GSTCD: variants seen among roughly 807,000 people sequenced by gnomAD.
The protein encoded by GSTCD is glutathione S-transferase C-terminal domain-containing protein.
In GSTCD, 44 loss-of-function variants were observed where a neutral mutation model predicts 68.3. That is an observed-to-expected ratio of 0.64 (90% CI 0.51 to 0.83). The LOEUF is 0.83. Ranked by LOEUF, GSTCD falls within the 40% of genes least tolerant of loss-of-function variation. The probability of loss-of-function intolerance (pLI) is 0.00; values close to 1 mark genes in which losing one functional copy is unlikely to be tolerated. For missense variants in GSTCD, 739 were observed against 735.9 expected (o/e 1.00, Z -0.05); for synonymous variants, 273 against 255.2 (o/e 1.07, Z -0.67).
intron 5 of GSTCD, among the ~76,000 whole-genome samples, chr4:105,799,340 G>C (rs145449089): frequency 6.6e-6 from 1 of 152,098 alleles, no homozygotes; most frequent in African/African-American, 2.4e-5. Context: ...GAACATCTTT[G>C]CATTCATATC....
intron 5 of GSTCD, among the ~76,000 whole-genome samples, chr4:105,771,482 C>A (rs1033581589): frequency 6.6e-6 from 1 of 152,088 alleles, no homozygotes; most frequent in African/African-American, 2.4e-5. Context: ...AGGTTTTCTT[C>A]TAGAGTTTTT....
chr4:105,719,976 A>G (rs2032279173), intron 3 of GSTCD, among the ~76,000 whole-genome samples: 2 of 152,214 alleles, frequency 1.3e-5, no homozygotes, highest in South Asian at 4.2e-4. Flanking sequence ...TGTCAGCTAA[A>G]TTTTATAATG....
In GSTCD at chr4:105,834,311, C is replaced by A. The variant is rs536925498; in HGVS notation, c.1531-150C>A. 3 of 600,240 alleles carry A rather than the reference C, an allele frequency of 5.0e-6. No homozygotes were observed. The South Asian group carries it at 1.0e-4, about 21-fold the overall frequency. The allele number at this position is 600,240 out of a possible 1,614,324, so 37.2% of individuals were successfully genotyped here. On this transcript the variant is annotated intron_variant, in intron 8 of 11. Coordinates refer to ENST00000515279, the MANE Select transcript of GSTCD (RefSeq NM_001370181.1). ...TTTATTTGCAATATTCCATTTGCAA[C>A]CTTTCAAACTTGCTTAGTTTTCATA...
intron 5 of GSTCD, among the ~76,000 whole-genome samples, chr4:105,812,455 C>T: frequency 6.6e-6 from 1 of 152,102 alleles, no homozygotes; most frequent in East Asian, 1.9e-4. Flanking sequence ...TCCGCCTCTG[C>T]CTCCAAAGTG....
chr4:105,794,860 TATCTATCTATC>T (rs1735818308), intron 5 of GSTCD, among the ~76,000 whole-genome samples: 1 of 144,070 alleles, frequency 6.9e-6, no homozygotes, highest in African/African-American at 2.6e-5. Context: ...TCTATCTATC[TATCTATCTATC>T]TATCTATCTA....
intron 5 of GSTCD, among the ~76,000 whole-genome samples, chr4:105,749,404 T>C (rs1403443081): frequency 6.6e-6 from 1 of 151,774 alleles, no homozygotes; most frequent in East Asian, 1.9e-4. Flanking sequence ...AAAAAAAATT[T>C]GAAAAAGAGC....
At position 105,719,216 on chromosome 4, in the gene GSTCD, C is replaced by T. The variant is rs1469873999; in HGVS notation, c.583C>T (p.Leu195Phe). 1.2e-6 allele frequency: 2 copies of T among 1,614,048 alleles called. No individual in the cohort carries two copies. The highest frequency in any genetic ancestry group is 1.7e-6 in the Non-Finnish European group (2 of 1,179,988). ...EPVRVHNDDKLRRQKLKQQKA... is the reference protein window; with the variant it reads ...EPVRVHNDDKFRRQKLKQQKA... ...TGTTAGAGTGCATAATGATGATAAA[C>T]TCCGCAGGCAGAAGCTCAAGCAACA... Residue 195 changes from leucine (L) to phenylalanine (F), a missense_variant, in exon 3 of 12, where the codon CTC (leucine) becomes TTC (phenylalanine). By Grantham distance (22) the Leu-to-Phe change is conservative (BLOSUM62 0). Coordinates refer to ENST00000515279, the MANE Select transcript of GSTCD (RefSeq NM_001370181.1).
At chr4:105,815,823 A>T (rs1722955062) in intron 5 of GSTCD, among the ~76,000 whole-genome samples, 1 of 152,176 alleles carries the variant, frequency 6.6e-6, no homozygotes. Flanking sequence ...TGTTTTAAAA[A>T]CATTTCAGTT....
At chr4:105,718,922 G>C (rs1433094246) in intron 2 of GSTCD, 138 bp from the exon 3 acceptor site, 1 of 654,086 alleles carries the variant, frequency 1.5e-6, no homozygotes, top group Non-Finnish European at 2.7e-6. Context: ...ACTGTGATGT[G>C]TCTCCTGATA....
intron 5 of GSTCD, among the ~76,000 whole-genome samples, chr4:105,756,546 A>G (rs893909221): frequency 7.1e-6 from 1 of 141,526 alleles, no homozygotes; most frequent in Non-Finnish European, 1.5e-5. Context: ...ATATATACGC[A>G]TACATATATG....
chr4:105,717,649 A>G lies in GSTCD; in HGVS notation c.36A>G (p.Glu12=), dbSNP rs774567961. Residue 12 remains glutamate, a synonymous_variant, in exon 2 of 12, where the codon GAA becomes GAG. Coordinates refer to ENST00000515279, the MANE Select transcript of GSTCD (RefSeq NM_001370181.1). Reference sequence around the variant, plus strand: ...TAAAGAAAAGTCTTACAGAAGAAGAATACCTGTACCTGGACTTTTCTCACC... The same window carrying G: ...TAAAGAAAAGTCTTACAGAAGAAGAGTACCTGTACCTGGACTTTTCTCACC... ...KAIKKSLTEE[E]YLYLDFSHQT... 2 of 1,588,870 alleles carry G rather than the reference A, an allele frequency of 1.3e-6. No individual in the cohort carries two copies. The highest frequency in any genetic ancestry group is 2.3e-5 in the South Asian group (2 of 85,718).
chr4:105,744,434 G>A (rs1470404763), intron 5 of GSTCD, among the ~76,000 whole-genome samples: 1 of 152,128 alleles, frequency 6.6e-6, no homozygotes, highest in Non-Finnish European at 1.5e-5. Flanking sequence ...GTTACAAAAT[G>A]GTGATTTTCA....
chr4:105,717,644 G>T lies in GSTCD; in HGVS notation c.31G>T (p.Glu11Ter). MKAIKKSLTE[E>*]EYLYLDFSHQ... ...AGCCATAAAGAAAAGTCTTACAGAA[G>T]AAGAATACCTGTACCTGGACTTTTC... Residue 11 changes from glutamate to a stop codon, truncating the protein, a stop_gained, in exon 2 of 12, where the codon GAA becomes TAA. Coordinates refer to ENST00000515279, the MANE Select transcript of GSTCD (RefSeq NM_001370181.1). LOFTEE classifies it high-confidence loss of function. The T allele has an allele frequency of 6.3e-7, 1 of 1,582,844 alleles. No homozygotes were observed. Among genetic ancestry groups the T allele is most frequent in the Non-Finnish European group, 8.5e-7 (1 of 1,170,176 alleles).
rs1724374566 is a variant in GSTCD, at chr4:105,842,118, C to G, written c.1749C>G (p.Pro583=). 1 of 1,613,566 alleles carries G rather than the reference C, an allele frequency of 6.2e-7. No individual in the cohort carries two copies. Among genetic ancestry groups the G allele is most frequent in the South Asian group, 1.1e-5 (1 of 91,060 alleles). The change falls in exon 11 of 12, where the codon CCC becomes CCG. Residue 583 remains proline, a synonymous_variant. Coordinates refer to ENST00000515279, the MANE Select transcript of GSTCD (RefSeq NM_001370181.1). ...FADQTAVQLP[P]QRRLIGKQCM... ...ACCAGACAGCTGTCCAGCTCCCACC[C>G]CAACGAAGGCTCATAGGTATGTGTT...
At chr4:105,799,512 G>T (rs1736024808) in intron 5 of GSTCD, among the ~76,000 whole-genome samples, 1 of 152,018 alleles carries the variant, frequency 6.6e-6, no homozygotes, top group African/African-American at 2.4e-5. Context: ...CAGTATTTTT[G>T]TGTCTTAGGA....
chr4:105,809,803 T>G (rs1420327866), intron 5 of GSTCD, among the ~76,000 whole-genome samples: 1 of 151,968 alleles, frequency 6.6e-6, no homozygotes, highest in Non-Finnish European at 1.5e-5. Context: ...ATACCTGGTC[T>G]TTTTTCCTCC....
chr4:105,813,136 A>G (rs968897248), intron 5 of GSTCD, among the ~76,000 whole-genome samples: 1 of 152,156 alleles, frequency 6.6e-6, no homozygotes, highest in African/African-American at 2.4e-5. Context: ...ATTTTTGTTT[A>G]CATTTTTCAT....
intron 5 of GSTCD, among the ~76,000 whole-genome samples, chr4:105,790,645 C>G (rs1735628418): frequency 6.6e-6 from 1 of 151,266 alleles, no homozygotes; most frequent in South Asian, 2.1e-4. Flanking sequence ...TGTCTTCCCA[C>G]AAAAAAGAAA....
At chr4:105,714,792 G>T (rs549530532) in intron 1 of GSTCD, among the ~76,000 whole-genome samples, 5 of 152,138 alleles carry the variant, frequency 3.3e-5, no homozygotes, top group South Asian at 4.1e-4. Flanking sequence ...CCATGGGCAG[G>T]TTATTGCTAT....
Sources: gnomAD v4.1 joint callset for allele counts (sites outside exome capture counted in the v4.1 genomes callset) on GRCh38, gnomAD v4.1.1 for gene constraint, MANE v1.5 for transcripts, NCBI Gene and HGNC (gene_info 2026-07-23, HGNC 2026-07-21) for gene names.